The following PIK3C2G variants were observed in gnomAD, a reference collection of about 807,000 sequenced individuals.
PIK3C2G encodes phosphatidylinositol 3-kinase C2 domain-containing subunit gamma.
In PIK3C2G, 168 loss-of-function variants were observed where a neutral mutation model predicts 181.1. The observed-to-expected ratio is 0.93, with a 90% CI of 0.82 to 1.05. PIK3C2G has a LOEUF of 1.05. Ranked by LOEUF, PIK3C2G falls within the 50% of genes least tolerant of loss-of-function variation. PIK3C2G has a pLI of 0.00. For missense variants in PIK3C2G, 1,869 were observed against 1,732.8 expected (o/e 1.08, Z -1.40); for synonymous variants, 573 against 592.2 (o/e 0.97, Z 0.47).
chr12:18,644,150 C>T (rs1175808527), intron 32 of PIK3C2G, among the ~76,000 whole-genome samples: 2 of 152,096 alleles, frequency 1.3e-5, no homozygotes, highest in Admixed American at 6.6e-5. Flanking sequence ...TTTGACACTT[C>T]GCAGAGTGAG....
intron 16 of PIK3C2G, among the ~76,000 whole-genome samples, chr12:18,405,080 T>C (rs1245068437): frequency 6.6e-6 from 1 of 152,164 alleles, no homozygotes; most frequent in Non-Finnish European, 1.5e-5. Context: ...GATAGATAAT[T>C]GCATCATTCA....
chr12:18,574,366 A>G (rs2136391017), intron 29 of PIK3C2G, among the ~76,000 whole-genome samples: 1 of 152,302 alleles, frequency 6.6e-6, no homozygotes, highest in South Asian at 2.1e-4. Flanking sequence ...TATTAACGCG[A>G]CTAGTCAATA....
intron 5 of PIK3C2G, among the ~76,000 whole-genome samples, chr12:18,305,988 C>T (rs1371101666): frequency 1.3e-5 from 2 of 150,432 alleles, no homozygotes; most frequent in East Asian, 3.9e-4. Flanking sequence ...TATGTTACTA[C>T]TTGTCTTTTG....
the PIK3C2G span, among the ~76,000 whole-genome samples, chr12:18,707,382 G>A: frequency 6.6e-6 from 1 of 152,198 alleles, no homozygotes; most frequent in East Asian, 1.9e-4. Context: ...CTAAAAGGTG[G>A]ATTCTTCCAT....
At chr12:18,450,101 C>T (rs1449642498) in intron 18 of PIK3C2G, among the ~76,000 whole-genome samples, 1 of 151,998 alleles carries the variant, frequency 6.6e-6, no homozygotes, top group African/African-American at 2.4e-5. Flanking sequence ...TGTTCATATC[C>T]TTTGCTCACT....
chr12:18,403,069 C>T (rs1425193533), intron 16 of PIK3C2G, among the ~76,000 whole-genome samples: 2 of 152,122 alleles, frequency 1.3e-5, no homozygotes, highest in Admixed American at 6.5e-5. Context: ...CCTGCATAAA[C>T]ATGCTAGGCT....
chr12:18,476,038 G>T (rs1938953097), intron 18 of PIK3C2G, among the ~76,000 whole-genome samples: 1 of 152,078 alleles, frequency 6.6e-6, no homozygotes, highest in South Asian at 2.1e-4. Flanking sequence ...TTAAAATCTA[G>T]TAGGAGAAAG....
chr12:18,556,031 C>G (rs1944992827), intron 26 of PIK3C2G, among the ~76,000 whole-genome samples: 2 of 152,146 alleles, frequency 1.3e-5, no homozygotes, highest in Admixed American at 6.5e-5. Context: ...TTCCTCAGGG[C>G]AGAAATTTGG....
chr12:18,368,472 C>G (rs1271807741), intron 12 of PIK3C2G, among the ~76,000 whole-genome samples: 1 of 152,108 alleles, frequency 6.6e-6, no homozygotes, highest in African/African-American at 2.4e-5. Context: ...AAACTTGGAC[C>G]CATCCTATCC....
intron 14 of PIK3C2G, among the ~76,000 whole-genome samples, chr12:18,386,210 G>T (rs1324291907): frequency 1.3e-5 from 2 of 152,120 alleles, no homozygotes; most frequent in Admixed American, 1.3e-4. Flanking sequence ...CCAGTCTGCA[G>T]CCCGCTGCCG....
At chr12:18,273,414 C>T (rs1168635455) in intron 1 of PIK3C2G, among the ~76,000 whole-genome samples, 1 of 152,094 alleles carries the variant, frequency 6.6e-6, no homozygotes, top group East Asian at 1.9e-4. Context: ...CGTGATGCCC[C>T]CAGCTTTGTT....
intron 13 of PIK3C2G, among the ~76,000 whole-genome samples, chr12:18,378,920 T>G (rs1474670307): frequency 1.3e-5 from 2 of 152,208 alleles, no homozygotes; most frequent in African/African-American, 4.8e-5. Flanking sequence ...TTGGTGGGAC[T>G]GTAAACTGGT....
At chr12:18,430,620 G>A (rs2135756732) in intron 18 of PIK3C2G, among the ~76,000 whole-genome samples, 1 of 152,282 alleles carries the variant, frequency 6.6e-6, no homozygotes, top group South Asian at 2.1e-4. Flanking sequence ...TCGATAGGGG[G>A]TGGAGGAGAG....
chr12:18,516,076 T>C (rs1565467830), intron 24 of PIK3C2G, among the ~76,000 whole-genome samples: 1 of 152,096 alleles, frequency 6.6e-6, no homozygotes, highest in Non-Finnish European at 1.5e-5. Flanking sequence ...TTTTAATACA[T>C]TCAGGTGTTT....
At chr12:18,313,341 G>T (rs1486558214) in intron 5 of PIK3C2G, among the ~76,000 whole-genome samples, 1 of 152,130 alleles carries the variant, frequency 6.6e-6, no homozygotes, top group South Asian at 2.1e-4. Flanking sequence ...TCTGAAATAG[G>T]TATAATTCTT....
the PIK3C2G span, chr12:18,714,865 T>C: frequency 2.0e-5 from 3 of 151,796 alleles, no homozygotes; most frequent in African/African-American, 4.8e-5. Context: ...ACTTAAAAAA[T>C]GAAAAGTTTG....
At chr12:18,542,025 G>T (rs768577392) in intron 25 of PIK3C2G, among the ~76,000 whole-genome samples, 1 of 151,808 alleles carries the variant, frequency 6.6e-6, no homozygotes, top group Non-Finnish European at 1.5e-5. Flanking sequence ...ACATGTGTGG[G>T]TTATGTGTGT....
intron 1 of PIK3C2G, among the ~76,000 whole-genome samples, chr12:18,269,755 T>C (rs1412162526): frequency 1.3e-5 from 2 of 152,176 alleles, no homozygotes; most frequent in East Asian, 3.9e-4. Context: ...ACAATACACA[T>C]TATTTTATTA....
At chr12:18,510,300 A>G (rs1481331518) in intron 24 of PIK3C2G, among the ~76,000 whole-genome samples, 1 of 152,200 alleles carries the variant, frequency 6.6e-6, no homozygotes, top group African/African-American at 2.4e-5. Context: ...CACCGATACA[A>G]ATTAAAGTGG....
Sources: allele counts gnomAD v4.1 joint callset (sites outside exome capture counted in the v4.1 genomes callset), GRCh38; gene constraint gnomAD v4.1.1; transcripts MANE v1.5; gene names NCBI Gene and HGNC (gene_info 2026-07-23, HGNC 2026-07-21).